SLC17A8: variants seen among roughly 807,000 people sequenced by gnomAD.
SLC17A8 encodes solute carrier family 17 member 8.
SLC17A8 carries 31 observed loss-of-function variants against 58.0 expected under a neutral mutation model. That is an observed-to-expected ratio of 0.53 (90% confidence interval 0.40 to 0.72). The LOEUF is 0.72. Ranked by LOEUF, SLC17A8 falls within the 30% of genes least tolerant of loss-of-function variation. SLC17A8 has a pLI of 0.00. For synonymous variants in SLC17A8, 228 were observed against 249.0 expected (o/e 0.92, Z 0.79); for missense variants, 655 against 727.8 (o/e 0.90, Z 1.15).
intron 10 of SLC17A8, among the ~76,000 whole-genome samples, chr12:100,415,600 A>AT (rs1288567084): frequency 1.3e-5 from 2 of 151,686 alleles, no homozygotes; most frequent in Non-Finnish European, 2.9e-5. Context: ...TTCCAGATAT[A>AT]TATATATTTT....
At chr12:100,385,499 A>G (rs1952668206) in intron 2 of SLC17A8, among the ~76,000 whole-genome samples, 1 of 152,012 alleles carries the variant, frequency 6.6e-6, no homozygotes, top group Non-Finnish European at 1.5e-5. Flanking sequence ...CGGCCTCCCA[A>G]AGTGCTGGGA....
chr12:100,419,070 T>C lies in SLC17A8; in HGVS notation c.1426-745T>C, dbSNP rs577830519. On this transcript the variant is annotated intron_variant, in intron 11 of 11. Coordinates refer to ENST00000323346, the MANE Select transcript of SLC17A8 (RefSeq NM_139319.3). ...TTATAAAGTTCTTGTCAGTCAAGGG[T>C]GAGAACTTTAATGGCTCAAATATTG... 3.3e-5 allele frequency among the ~76,000 whole-genome samples: 5 copies of C among 152,268 alleles called. No homozygotes were observed. In the East Asian group the frequency reaches 7.7e-4, roughly 23 times the overall value.
chr12:100,369,995 G>A (rs969484210), intron 1 of SLC17A8, among the ~76,000 whole-genome samples: 1 of 152,206 alleles, frequency 6.6e-6, no homozygotes, highest in Non-Finnish European at 1.5e-5. Flanking sequence ...GACAGAGTGA[G>A]AGCTTGATTA....
At chr12:100,369,665 T>TG in intron 1 of SLC17A8, among the ~76,000 whole-genome samples, 1 of 152,326 alleles carries the variant, frequency 6.6e-6, no homozygotes, top group African/African-American at 2.4e-5. Flanking sequence ...AGTAGGTGTT[T>TG]TTTTTGTTTT....
At chr12:100,375,286 C>G (rs1294259378) in intron 1 of SLC17A8, among the ~76,000 whole-genome samples, 3 of 151,832 alleles carry the variant, frequency 2.0e-5, no homozygotes, top group Non-Finnish European at 4.4e-5. Flanking sequence ...CTACACCTGG[C>G]CAAGAGATTT....
chr12:100,380,625 T>C, intron 1 of SLC17A8, 76 bp from the exon 2 acceptor site: 3 of 1,574,308 alleles, frequency 1.9e-6, no homozygotes, highest in Non-Finnish European at 2.6e-6. Context: ...TGGTACCTTT[T>C]TTCTTTTTGC....
chr12:100,365,752 G>T (rs1952515965), intron 1 of SLC17A8, among the ~76,000 whole-genome samples: 1 of 152,190 alleles, frequency 6.6e-6, no homozygotes. Flanking sequence ...GAGCACACAT[G>T]TCTTACTGAG....
At chr12:100,405,136 T>A (rs1952818275) in intron 9 of SLC17A8, among the ~76,000 whole-genome samples, 1 of 152,222 alleles carries the variant, frequency 6.6e-6, no homozygotes. Context: ...GAAGAAAGCC[T>A]AAGAGTCTGT....
At chr12:100,419,519 C>G (rs7967701) in intron 11 of SLC17A8, among the ~76,000 whole-genome samples, 1 of 145,266 alleles carries the variant, frequency 6.9e-6, no homozygotes, top group Non-Finnish European at 1.5e-5. Flanking sequence ...GGTGACAGAG[C>G]GAGACTCCAT....
chr12:100,360,475 C>T (rs547232866), intron 1 of SLC17A8, among the ~76,000 whole-genome samples: 17 of 152,212 alleles, frequency 1.1e-4, no homozygotes, highest in African/African-American at 3.4e-4. Context: ...CACTCTGTTG[C>T]CTAGGCTGGA....
intron 10 of SLC17A8, among the ~76,000 whole-genome samples, chr12:100,413,401 G>A (rs1465245473): frequency 6.6e-6 from 1 of 152,006 alleles, no homozygotes; most frequent in African/African-American, 2.4e-5. Flanking sequence ...TTCTGAACAG[G>A]GTAAAGAATA....
rs367890803 is a variant in SLC17A8 at position 100,381,003 on chromosome 12, G to C, written c.354+50G>C. 9.3e-6 allele frequency: 15 copies of C among 1,606,714 alleles called. No individual in the cohort carries two copies. In the African/African-American group the frequency reaches 2.0e-4, roughly 21 times the overall value. On this transcript the variant is annotated intron_variant, in intron 2 of 11. Coordinates refer to ENST00000323346, the MANE Select transcript of SLC17A8 (RefSeq NM_139319.3). ...ACTTTTCTTTTTGAGACAGGGTCTC[G>C]CTCGGTCTCCCAGGCTAGAGTACAG...
chr12:100,418,215 A>G (rs1952921309), intron 11 of SLC17A8, 59 bp downstream of exon 11: 11 of 1,609,804 alleles, frequency 6.8e-6, no homozygotes, highest in Non-Finnish European at 9.3e-6. Flanking sequence ...CTCTACACAA[A>G]CTTGAGATTT....
chr12:100,391,047 G>C lies in SLC17A8; in HGVS notation c.401G>C (p.Gly134Ala). 1.2e-5 allele frequency: 20 copies of C among 1,613,928 alleles called. No individual in the cohort carries two copies. The highest frequency in any genetic ancestry group is 1.7e-5 in the Non-Finnish European group (20 of 1,179,920). The change falls in exon 3 of 12, where the codon GGA (glycine) becomes GCA (alanine). Residue 134 changes from glycine to alanine, a missense_variant. Coordinates refer to ENST00000323346, the MANE Select transcript of SLC17A8 (RefSeq NM_139319.3). ...WDPETVGLIH[G>A]SFFWGYIMTQ... ...CCAGAAACAGTGGGCCTTATCCATGGATCTTTTTTCTGGGGCTATATTATG... is the reference window on the plus strand; with the variant it reads ...CCAGAAACAGTGGGCCTTATCCATGCATCTTTTTTCTGGGGCTATATTATG...
At chr12:100,417,660 G>A (rs139148533) in intron 10 of SLC17A8, among the ~76,000 whole-genome samples, 121 of 152,240 alleles carry the variant, frequency 7.9e-4, no homozygotes, top group East Asian at 4.3e-3. Context: ...TATAAAGCAA[G>A]GTTTGGTCTA....
chr12:100,411,632 C>T lies in SLC17A8; in HGVS notation c.1187-1138C>T, dbSNP rs186303405. Among the ~76,000 whole-genome samples, 33 of 152,222 alleles carry T rather than the reference C, an allele frequency of 2.2e-4. No individual in the cohort carries two copies. In the East Asian group the frequency reaches 3.9e-3, roughly 18 times the overall value. ...GAAGCACCACTAATTGTCTCTTCCC[C>T]CTCCTAAGGCACTCTATATACTTGG... On this transcript the variant is annotated intron_variant, in intron 9 of 11. Transcript: ENST00000323346.
At chr12:100,419,008 A>G (rs1005185723) in intron 11 of SLC17A8, among the ~76,000 whole-genome samples, 2 of 152,186 alleles carry the variant, frequency 1.3e-5, no homozygotes, top group African/African-American at 2.4e-5. Flanking sequence ...ACAAATTCCC[A>G]TTATTTTTTG....
intron 1 of SLC17A8, among the ~76,000 whole-genome samples, chr12:100,370,522 C>T (rs1022381246): frequency 1.3e-5 from 2 of 151,474 alleles, no homozygotes; most frequent in Non-Finnish European, 2.9e-5. Context: ...GTCTTGAACT[C>T]CTGACCTCAA....
In SLC17A8 at chr12:100,380,946, A is replaced by G. The variant is rs1323881069; in HGVS notation, c.347A>G (p.Glu116Gly). ...NSTVYVDGKP[E>G]IQTAQFNWDP... Reference sequence around the variant, plus strand: ...ACCGTATATGTTGATGGAAAACCGGAAATTCAGGTTGGTATCAGTCCATGG... The same window carrying G: ...ACCGTATATGTTGATGGAAAACCGGGAATTCAGGTTGGTATCAGTCCATGG... The change falls in exon 2 of 12, where the codon GAA (glutamate) becomes GGA (glycine). Residue 116 changes from glutamate to glycine, a missense_variant. Glu to Gly is a moderately conservative substitution (Grantham distance 98, BLOSUM62 -2). Transcript: ENST00000323346. 1.2e-6 allele frequency: 2 copies of G among 1,614,042 alleles called. No homozygotes were observed. The highest frequency in any genetic ancestry group is 1.7e-6 in the Non-Finnish European group (2 of 1,180,026).
Sources: gnomAD v4.1 joint callset for allele counts (sites outside exome capture counted in the v4.1 genomes callset) on GRCh38, gnomAD v4.1.1 for gene constraint, MANE v1.5 for transcripts, NCBI Gene and HGNC (gene_info 2026-07-23, HGNC 2026-07-21) for gene names.